Variants in NAP1L1 observed in about 807,000 individuals in gnomAD.
NAP1L1 encodes nucleosome assembly protein 1 like 1, also known as nucleosome assembly protein 1-like 1.
NAP1L1 carries 9 observed loss-of-function variants against 58.9 expected under a neutral mutation model. That is an observed-to-expected ratio of 0.15 (90% confidence interval 0.09 to 0.27). NAP1L1 has a LOEUF of 0.27. Ranked by LOEUF, NAP1L1 falls within the 10% of genes least tolerant of loss-of-function variation. The pLI is 1.00. For missense variants in NAP1L1, 302 were observed against 458.8 expected (o/e 0.66, Z 3.12); for synonymous variants, 130 against 138.3 (o/e 0.94, Z 0.42).
chr12:76,071,760 C>G (rs1949962305), intron 2 of NAP1L1, among the ~76,000 whole-genome samples: 1 of 152,096 alleles, frequency 6.6e-6, no homozygotes, highest in African/African-American at 2.4e-5. Flanking sequence ...TCTACACTAG[C>G]AGAAATATTC....
Position 76,047,607 on chromosome 12 carries a change from ATTTT to A in NAP1L1, c.*818_*821del, listed in dbSNP as rs1212929077. The A allele has an allele frequency of 6.6e-6, 1 of 151,974 alleles. No individual in the cohort carries two copies. Among genetic ancestry groups the A allele is most frequent in the Non-Finnish European group, 1.5e-5 (1 of 67,876 alleles). The allele number at this position is 151,974 out of a possible 1,614,324, so 9.4% of individuals were successfully genotyped here. A position where few individuals can be genotyped will look rare whatever the true frequency, so the allele number is the denominator to read the frequency against. On this transcript the variant is annotated 3_prime_UTR_variant, in exon 15 of 15. Transcript: ENST00000618691. ...TGTAAGAACTAAAATTGTATTTGAAATTTTTATTTTAGCTGCAAAAACAAAAACA... is the reference window on the plus strand; with the variant it reads ...TGTAAGAACTAAAATTGTATTTGAAATATTTTAGCTGCAAAAACAAAAACA...
intron 6 of NAP1L1, chr12:76,056,750 C>A: frequency 2.4e-6 from 1 of 414,166 alleles, no homozygotes. Flanking sequence ...CAGTGGCTCA[C>A]GCTTGTAATC....
At chr12:76,049,702 T>C (rs1231659787) in intron 13 of NAP1L1, 54 bp downstream of exon 13, 1 of 1,599,292 alleles carries the variant, frequency 6.3e-7, no homozygotes, top group East Asian at 2.2e-5. Context: ...TCATTCAATT[T>C]GCTTCTCAAT....
chr12:76,057,741 T>G, intron 6 of NAP1L1: 6 of 1,549,480 alleles, frequency 3.9e-6, no homozygotes, highest in Non-Finnish European at 5.2e-6. Flanking sequence ...ATGCAAAACT[T>G]ACTGTGGAAA....
Position 76,063,588 on chromosome 12 carries a change from G to A in NAP1L1, c.207-3309C>T, listed in dbSNP as rs376660624. On this transcript the variant is annotated intron_variant, in intron 4 of 14. Coordinates refer to ENST00000618691, the MANE Select transcript of NAP1L1 (RefSeq NM_004537.7). ...CCAGGCAGGTGAATCACTTTAACTC[G>A]GGAGTTCGAGACTAGCCCAGGCAAC... Among the ~76,000 whole-genome samples, 20 of 152,154 alleles carry A rather than the reference G, an allele frequency of 1.3e-4. No homozygotes were observed. In the East Asian group the frequency reaches 2.3e-3, roughly 18 times the overall value.
intron 1 of NAP1L1, among the ~76,000 whole-genome samples, chr12:76,075,111 C>G (rs2137089055): frequency 6.6e-6 from 1 of 152,184 alleles, no homozygotes; most frequent in East Asian, 1.9e-4. Flanking sequence ...CACAGGTAAT[C>G]TACAGATTAC....
chr12:76,050,781 A>T (rs1021273186), intron 11 of NAP1L1, 128 bp from the exon 12 acceptor site: 23 of 919,598 alleles, frequency 2.5e-5, no homozygotes, highest in Non-Finnish European at 3.5e-5. Flanking sequence ...CAGGAGGCCA[A>T]AGTAGGAGGA....
In NAP1L1 at chr12:76,044,775, CATCA is replaced by C. The variant is rs1948582839; in HGVS notation, c.*3650_*3653del. 1.3e-5 allele frequency: 2 copies of C among 152,246 alleles called. No individual in the cohort carries two copies. The highest frequency in any genetic ancestry group is 4.8e-5 in the African/African-American group (2 of 41,544). The allele number at this position is 152,246 out of a possible 1,614,324, so 9.4% of individuals were successfully genotyped here. On this transcript the variant is annotated 3_prime_UTR_variant, in exon 15 of 15. Coordinates refer to ENST00000618691, the MANE Select transcript of NAP1L1 (RefSeq NM_004537.7). The stretch of plus-strand genomic sequence containing the variant: ...AGCATACTGTATTTTTGAAAATATA[CATCA>C]ATCAAAATTTCTTATGAATACTTAT...
chr12:76,064,537 C>G (rs1246076169), intron 4 of NAP1L1, among the ~76,000 whole-genome samples: 1 of 151,914 alleles, frequency 6.6e-6, no homozygotes, highest in Non-Finnish European at 1.5e-5. Context: ...TAACATAGAG[C>G]AATCCTAAAA....
Position 76,054,144 on chromosome 12 carries a change from G to A in NAP1L1, c.631-235C>T, listed in dbSNP as rs143338070. 1.2e-3 allele frequency among the ~76,000 whole-genome samples: 189 copies of A among 152,200 alleles called. 1 individual carries two copies. Among genetic ancestry groups the A allele is most frequent in the African/African-American group, 4.2e-3 (175 of 41,532 alleles). ...TCCCAGATTCAAGTGATTCTGGTGC[G>A]CCAGCCTGCCAATTATCTGGGATTA... On this transcript the variant is annotated intron_variant, in intron 8 of 14. Transcript: ENST00000618691.
intron 1 of NAP1L1, among the ~76,000 whole-genome samples, chr12:76,078,729 T>C (rs1417510784): frequency 6.6e-6 from 1 of 152,120 alleles, no homozygotes; most frequent in Admixed American, 6.5e-5. Context: ...TTAAGTGAGC[T>C]GAAATGAAGC....
intron 1 of NAP1L1, among the ~76,000 whole-genome samples, chr12:76,078,674 C>G (rs942875015): frequency 6.6e-6 from 1 of 152,078 alleles, no homozygotes; most frequent in African/African-American, 2.4e-5. Flanking sequence ...ATGAATCAAA[C>G]TAAATGGGCT....
intron 1 of NAP1L1, among the ~76,000 whole-genome samples, chr12:76,081,255 C>T (rs1262039632): frequency 6.6e-6 from 1 of 152,192 alleles, no homozygotes; most frequent in Non-Finnish European, 1.5e-5. Context: ...GGTTATCTAA[C>T]CACTCCACAC....
Position 76,038,271 on chromosome 12 carries a change from A to G in NAP1L1, c.*10158T>C, listed in dbSNP as rs944153674. 5 of 152,176 alleles carry G rather than the reference A, an allele frequency of 3.3e-5. No individual in the cohort carries two copies. The highest frequency in any genetic ancestry group is 1.2e-4 in the African/African-American group (5 of 41,442). 9.4% of individuals were successfully genotyped at this position (152,176 alleles called of 1,614,324 possible). On this transcript the variant is annotated 3_prime_UTR_variant, in exon 15 of 15. Transcript: ENST00000618691. Reference sequence around the variant, plus strand: ...TACCACCTTTCCTAAGTATGCTTCTACTCTGAAACCCGGTAAATGCAACCC... The same window carrying G: ...TACCACCTTTCCTAAGTATGCTTCTGCTCTGAAACCCGGTAAATGCAACCC...
At chr12:76,048,536 T>C in intron 14 of NAP1L1, 72 bp from the exon 15 acceptor site, 2 of 1,469,126 alleles carry the variant, frequency 1.4e-6, no homozygotes, top group Non-Finnish European at 1.9e-6. Flanking sequence ...TAGTAATTAC[T>C]GCCTTAATTA....
rs945745534 is a variant in NAP1L1 at position 76,041,338 on chromosome 12, G to T, written c.*7091C>A. 6.6e-6 allele frequency: 1 copy of T among 152,114 alleles called. No homozygotes were observed. The highest frequency in any genetic ancestry group is 1.5e-5 in the Non-Finnish European group (1 of 68,032). 9.4% of individuals were successfully genotyped at this position (152,114 alleles called of 1,614,324 possible). ...AGTGTTTCTAGAGTATTTTGAACTGGTTCAAAACCAGTTCAGATTTATAGA... is the reference window on the plus strand; with the variant it reads ...AGTGTTTCTAGAGTATTTTGAACTGTTTCAAAACCAGTTCAGATTTATAGA... On this transcript the variant is annotated 3_prime_UTR_variant, in exon 15 of 15. Transcript: ENST00000618691.
At chr12:76,075,256 C>T (rs1565746088) in intron 1 of NAP1L1, among the ~76,000 whole-genome samples, 1 of 152,134 alleles carries the variant, frequency 6.6e-6, no homozygotes. Context: ...ACAGGAAGAT[C>T]TTTTGAGCAC....
Position 76,039,701 on chromosome 12 carries a change from G to A in NAP1L1, c.*8728C>T, listed in dbSNP as rs1390225751. ...CAAAGTGTAGGGCCATCCAAATGCTGGCTCCAACACAACTCAACTGTGTCA... is the reference window on the plus strand; with the variant it reads ...CAAAGTGTAGGGCCATCCAAATGCTAGCTCCAACACAACTCAACTGTGTCA... On this transcript the variant is annotated 3_prime_UTR_variant, in exon 15 of 15. Coordinates refer to ENST00000618691, the MANE Select transcript of NAP1L1 (RefSeq NM_004537.7). 1 of 152,070 alleles carries A rather than the reference G, an allele frequency of 6.6e-6. No individual in the cohort carries two copies. Among genetic ancestry groups the A allele is most frequent in the Admixed American group, 6.6e-5 (1 of 15,264 alleles). 9.4% of individuals were successfully genotyped at this position (152,070 alleles called of 1,614,324 possible).
rs1948669406 is a variant in NAP1L1 at position 76,048,339 on chromosome 12, A to G, written c.*90T>C. 2 of 1,477,318 alleles carry G rather than the reference A, an allele frequency of 1.4e-6. No individual in the cohort carries two copies. The highest frequency in any genetic ancestry group is 2.3e-5 in the East Asian group (1 of 43,442). 91.5% of individuals were successfully genotyped at this position (1,477,318 alleles called of 1,614,324 possible). A position where few individuals can be genotyped will look rare whatever the true frequency, so the allele number is the denominator to read the frequency against. ...AAAAAAAATTACCTAGTCTACCAAGAAAATACAAAAACATAAGGCTGTAAG... is the reference window on the plus strand; with the variant it reads ...AAAAAAAATTACCTAGTCTACCAAGGAAATACAAAAACATAAGGCTGTAAG... On this transcript the variant is annotated 3_prime_UTR_variant, in exon 15 of 15. Transcript: ENST00000618691.
Sources: allele counts gnomAD v4.1 joint callset (sites outside exome capture counted in the v4.1 genomes callset), GRCh38; gene constraint gnomAD v4.1.1; transcripts MANE v1.5; gene names NCBI Gene and HGNC (gene_info 2026-07-23, HGNC 2026-07-21).